The following CRYBG3 variants were observed in gnomAD, a reference collection of about 807,000 sequenced individuals.
The protein encoded by CRYBG3 is crystallin beta-gamma domain containing 3, also known as very large A-kinase anchor protein.
Under a neutral mutation model 244.2 loss-of-function variants are expected in CRYBG3, and 127 were observed. That is an observed-to-expected ratio of 0.52 (90% CI 0.45 to 0.60). CRYBG3 has a LOEUF of 0.60. Ranked by LOEUF, CRYBG3 falls within the 20% of genes least tolerant of loss-of-function variation. CRYBG3 has a pLI of 0.00. For synonymous variants in CRYBG3, 1,132 were observed against 1,195.8 expected (o/e 0.95, Z 1.10); for missense variants, 3,325 against 3,442.5 (o/e 0.97, Z 0.85).
At chr3:97,866,522 A>G (rs1432822698) in intron 3 of CRYBG3, among the ~76,000 whole-genome samples, 2 of 152,208 alleles carry the variant, frequency 1.3e-5, no homozygotes, top group Non-Finnish European at 2.9e-5. Context: ...ACTGAAGCAG[A>G]ATCTCTGCAG....
chr3:97,883,340 A>G (rs765507999), intron 7 of CRYBG3, among the ~76,000 whole-genome samples: 1 of 152,224 alleles, frequency 6.6e-6, no homozygotes, highest in African/African-American at 2.4e-5. Context: ...ATTCCTTGAA[A>G]AAATGACTAG....
intron 2 of CRYBG3, among the ~76,000 whole-genome samples, chr3:97,859,826 G>A (rs1220862506): frequency 6.6e-6 from 1 of 151,950 alleles, no homozygotes; most frequent in African/African-American, 2.4e-5. Flanking sequence ...ACTTTACTTG[G>A]CAGAGAAGAT....
Position 97,843,179 on chromosome 3 carries a change from G to T in CRYBG3, c.150-16G>T. On this transcript the variant is annotated splice_polypyrimidine_tract_variant and intron_variant, in intron 1 of 21. Coordinates refer to ENST00000389622, the MANE Select transcript of CRYBG3 (RefSeq NM_153605.4). ...TTCTTTTAATTTCAAAAGAAACTGTGGTTTTTATTTTTCAGTGTTGAAAAT... is the reference window on the plus strand; with the variant it reads ...TTCTTTTAATTTCAAAAGAAACTGTTGTTTTTATTTTTCAGTGTTGAAAAT... The T allele has an allele frequency of 6.8e-7, 1 of 1,474,248 alleles. No homozygotes were observed. The highest frequency in any genetic ancestry group is 1.3e-5 in the South Asian group (1 of 75,994). The allele number at this position is 1,474,248 out of a possible 1,614,324, so 91.3% of individuals were successfully genotyped here.
At chr3:97,924,176 A>C in intron 17 of CRYBG3, 2 of 322,204 alleles carry the variant, frequency 6.2e-6, no homozygotes, top group South Asian at 4.9e-5. Context: ...ATTCCAATGG[A>C]GCTATGATGA....
chr3:97,916,904 A>G (rs943198343), intron 17 of CRYBG3, among the ~76,000 whole-genome samples: 6 of 152,084 alleles, frequency 3.9e-5, no homozygotes, highest in Non-Finnish European at 7.4e-5. Flanking sequence ...AAATAATGTG[A>G]TCTGGCAAGT....
chr3:97,941,387 G>T, intron 20 of CRYBG3, 81 bp downstream of exon 20: 2 of 1,037,638 alleles, frequency 1.9e-6, no homozygotes, highest in South Asian at 2.3e-5. Flanking sequence ...AAATCAACTG[G>T]CATGATAAAA....
chr3:97,862,765 CAGT>C (rs1281021787), intron 2 of CRYBG3, among the ~76,000 whole-genome samples: 1 of 60,036 alleles, frequency 1.7e-5, no homozygotes, highest in Non-Finnish European at 3.0e-5. Flanking sequence ...GTGAGATGTG[CAGT>C]GTCTCTAGAA....
In CRYBG3 at chr3:97,822,353, CA is replaced by C. The variant is rs2038513173; in HGVS notation, c.148del (p.Ser50ValfsTer7). The C allele has an allele frequency of 6.7e-7, 1 of 1,501,014 alleles. No homozygotes were observed. Among genetic ancestry groups the C allele is most frequent in the African/African-American group, 1.4e-5 (1 of 70,746 alleles). The allele number at this position is 1,501,014 out of a possible 1,614,324, so 93.0% of individuals were successfully genotyped here. A position where few individuals can be genotyped will look rare whatever the true frequency, so the allele number is the denominator to read the frequency against. On this transcript the variant is annotated frameshift_variant and splice_region_variant, in exon 1 of 22. Coordinates refer to ENST00000389622, the MANE Select transcript of CRYBG3 (RefSeq NM_153605.4). LOFTEE classifies it high-confidence loss of function. ...CTCCAGCTCCAGGCCGGTCCGCTGC[CA>C]GGTGGGAGTCGAGGAGGGGGTCGCG... ...PPPAPGRSAA[S>X]VENEPMSTSQ...
At chr3:97,878,553 T>A (rs1253555474) in intron 4 of CRYBG3, among the ~76,000 whole-genome samples, 1 of 152,232 alleles carries the variant, frequency 6.6e-6, no homozygotes, top group Non-Finnish European at 1.5e-5. Context: ...AATTGCTTGG[T>A]CAGAATTTAA....
chr3:97,930,483 A>G (rs913571217), intron 17 of CRYBG3, among the ~76,000 whole-genome samples: 1 of 152,012 alleles, frequency 6.6e-6, no homozygotes, highest in Non-Finnish European at 1.5e-5. Context: ...GCCTGTGGCC[A>G]CTCAATAACT....
intron 2 of CRYBG3, among the ~76,000 whole-genome samples, chr3:97,848,382 A>G (rs1217579464): frequency 6.6e-6 from 1 of 151,642 alleles, no homozygotes; most frequent in Non-Finnish European, 1.5e-5. Flanking sequence ...GCTCACTGAA[A>G]CCTTCACCTC....
At chr3:97,925,993 C>T (rs2040037004) in intron 17 of CRYBG3, among the ~76,000 whole-genome samples, 1 of 151,994 alleles carries the variant, frequency 6.6e-6, no homozygotes, top group Non-Finnish European at 1.5e-5. Flanking sequence ...TAGAGACCTT[C>T]TTGGTTCAAG....
At chr3:97,925,501 T>C (rs921973586) in intron 17 of CRYBG3, among the ~76,000 whole-genome samples, 2 of 152,018 alleles carry the variant, frequency 1.3e-5, no homozygotes, top group African/African-American at 4.8e-5. Context: ...GAATGAAATA[T>C]AGTAGTTACA....
At chr3:97,920,023 G>T (rs1259528037) in intron 17 of CRYBG3, among the ~76,000 whole-genome samples, 1 of 151,958 alleles carries the variant, frequency 6.6e-6, no homozygotes, top group South Asian at 2.1e-4. Context: ...ACCTGCCTCA[G>T]CCTCCCAAAG....
At chr3:97,906,746 CTGCCTAAT>C (rs1344737804) in intron 15 of CRYBG3, among the ~76,000 whole-genome samples, 1 of 151,832 alleles carries the variant, frequency 6.6e-6, no homozygotes, top group African/African-American at 2.4e-5. Flanking sequence ...TTTCCTTCTC[CTGCCTAAT>C]TGCCCTGGCC....
At chr3:97,935,380 T>G (rs756706638) in intron 18 of CRYBG3, among the ~76,000 whole-genome samples, 2 of 152,002 alleles carry the variant, frequency 1.3e-5, no homozygotes, top group African/African-American at 4.8e-5. Context: ...ACCAGTCTGA[T>G]TGATTAGATT....
At chr3:97,865,951 G>A (rs2039224381) in intron 3 of CRYBG3, among the ~76,000 whole-genome samples, 1 of 152,060 alleles carries the variant, frequency 6.6e-6, no homozygotes, top group African/African-American at 2.4e-5. Context: ...AATGGAAAAT[G>A]AGAAAATTAT....
chr3:97,891,849 C>G (rs999513918), intron 10 of CRYBG3, among the ~76,000 whole-genome samples: 4 of 152,098 alleles, frequency 2.6e-5, no homozygotes, highest in African/African-American at 9.7e-5. Flanking sequence ...TGAAGCTTCC[C>G]TGGGTGTTTT....
chr3:97,943,249 C>T lies in CRYBG3; in HGVS notation c.8848C>T (p.His2950Tyr), dbSNP rs531841992. 2.5e-6 allele frequency: 4 copies of T among 1,585,080 alleles called. No homozygotes were observed. The highest frequency in any genetic ancestry group is 1.7e-5 in the Admixed American group (1 of 58,954). ...VKGGNYCDKTHVIVNQPLEGE... is the reference protein window; with the variant it reads ...VKGGNYCDKTYVIVNQPLEGE... ...AGGAGGAAATTATTGTGACAAGACT[C>T]ATGTAATTGTAAATCAGCCCCTGGA... The change falls in exon 22 of 22, where the codon CAT becomes TAT. Residue 2950 changes from histidine (H) to tyrosine (Y), a missense_variant. Physicochemically the swap from His to Tyr is moderately conservative, Grantham distance 83. Coordinates refer to ENST00000389622, the MANE Select transcript of CRYBG3 (RefSeq NM_153605.4).
Sources: allele counts gnomAD v4.1 joint callset (sites outside exome capture counted in the v4.1 genomes callset), GRCh38; gene constraint gnomAD v4.1.1; transcripts MANE v1.5; gene names NCBI Gene and HGNC (gene_info 2026-07-23, HGNC 2026-07-21).